Variants in BAALC observed in about 807,000 individuals in gnomAD.
BAALC encodes the protein brain and acute leukemia cytoplasmic protein.
A neutral mutation model predicts 15.5 loss-of-function variants in BAALC; 9 were observed. The observed-to-expected ratio is 0.58, with a 90% CI of 0.35 to 1.02. The LOEUF is 1.02. Ranked by LOEUF, BAALC falls within the 50% of genes least tolerant of loss-of-function variation. The pLI, the probability that BAALC is intolerant of heterozygous loss-of-function variation, is 0.02. For synonymous variants in BAALC, 80 were observed against 74.6 expected, an observed-to-expected ratio of 1.07 and a Z score of -0.37; for missense variants, 201 against 192.4, an observed-to-expected ratio of 1.04 and a Z score of -0.27.
At chr8:103,204,568 T>G (rs1812287599) in intron 1 of BAALC, among the ~76,000 whole-genome samples, 1 of 152,234 alleles carries the variant, frequency 6.6e-6, no homozygotes, top group African/African-American at 2.4e-5. Context: ...CATTTAGATC[T>G]TTGATCCTTT....
At chr8:103,225,655 C>G (rs56323909) in intron 2 of BAALC, among the ~76,000 whole-genome samples, 11,184 of 152,112 alleles carry the variant, frequency 0.074, 521 homozygotes, top group East Asian at 0.12. Flanking sequence ...ATTTGTACCC[C>G]CAAGAGGCTA....
At position 103,228,931 on chromosome 8, in the gene BAALC, C is replaced by T. The variant is rs1563660967; in HGVS notation, c.*832C>T. The T allele has an allele frequency of 6.6e-6, 1 of 152,254 alleles. No homozygotes were observed. The highest frequency in any genetic ancestry group is 6.5e-5 in the Admixed American group (1 of 15,274). 9.4% of individuals were successfully genotyped at this position (152,254 alleles called of 1,614,324 possible). A position where few individuals can be genotyped will look rare whatever the true frequency, so the allele number is the denominator to read the frequency against. ...GCTTGTCTTCTTGACTGTCTTCCCT[C>T]TCTATCGGGGTCACTTGCAATTGTT... On this transcript the variant is annotated 3_prime_UTR_variant, in exon 3 of 3. Coordinates refer to ENST00000309982, the MANE Select transcript of BAALC (RefSeq NM_024812.3).
At chr8:103,200,553 C>T (rs1436109709) in intron 1 of BAALC, 1 of 451,434 alleles carries the variant, frequency 2.2e-6, no homozygotes, top group Non-Finnish European at 4.0e-6. Context: ...AAAAATAATT[C>T]AACCAAAGAG....
chr8:103,146,805 G>C (rs1259493106), intron 1 of BAALC, among the ~76,000 whole-genome samples: 1 of 152,180 alleles, frequency 6.6e-6, no homozygotes, highest in Admixed American at 6.5e-5. Context: ...CACTGCAAGA[G>C]ACAAGTGGTA....
intron 1 of BAALC, among the ~76,000 whole-genome samples, chr8:103,160,384 A>G (rs946779881): frequency 6.6e-6 from 1 of 152,168 alleles, no homozygotes; most frequent in Non-Finnish European, 1.5e-5. Flanking sequence ...CCTATGCCCT[A>G]TGGAGAGGAT....
At chr8:103,222,156 T>C (rs529806175) in intron 2 of BAALC, among the ~76,000 whole-genome samples, 1 of 152,230 alleles carries the variant, frequency 6.6e-6, no homozygotes, top group East Asian at 1.9e-4. Context: ...CCAAGTTTTA[T>C]TGTGTAGAGG....
At chr8:103,185,366 T>C (rs116441085) in intron 1 of BAALC, among the ~76,000 whole-genome samples, 176 of 152,260 alleles carry the variant, frequency 1.2e-3, no homozygotes, top group African/African-American at 4.0e-3. Flanking sequence ...TACTTTTCTA[T>C]TTTTTTCCTC....
chr8:103,223,305 A>G (rs72673344), intron 2 of BAALC, among the ~76,000 whole-genome samples: 7,756 of 146,834 alleles, frequency 0.053, 282 homozygotes, highest in East Asian at 0.078. Flanking sequence ...AGACTGTCTC[A>G]AAACAAAACA....
intron 2 of BAALC, among the ~76,000 whole-genome samples, chr8:103,225,954 A>G (rs10107615): frequency 0.23 from 34,390 of 152,156 alleles, 4,168 homozygotes; most frequent in Middle Eastern, 0.34. Flanking sequence ...ACAACAGAAC[A>G]ATGGATTTTT....
At chr8:103,220,607 A>C (rs189406792) in intron 2 of BAALC, among the ~76,000 whole-genome samples, 240 of 152,358 alleles carry the variant, frequency 1.6e-3, no homozygotes, top group African/African-American at 5.6e-3. Flanking sequence ...GAAGCAAAAA[A>C]GAAGTTAAAA....
At chr8:103,213,139 G>C in intron 2 of BAALC, 54 bp downstream of exon 2, 1 of 1,577,496 alleles carries the variant, frequency 6.3e-7, no homozygotes, top group Non-Finnish European at 8.6e-7. Flanking sequence ...GGTAGGGCTT[G>C]CTTCAGGGCA....
chr8:103,175,812 G>C (rs1002207132), intron 1 of BAALC, among the ~76,000 whole-genome samples: 4 of 152,142 alleles, frequency 2.6e-5, no homozygotes, highest in African/African-American at 9.7e-5. Flanking sequence ...AGCCACACTG[G>C]GGGTATCGTC....
At chr8:103,220,502 A>G (rs758644874) in intron 2 of BAALC, among the ~76,000 whole-genome samples, 4 of 152,226 alleles carry the variant, frequency 2.6e-5, no homozygotes, top group Non-Finnish European at 5.9e-5. Context: ...CTGAGTGTCT[A>G]TTATGCGACA....
intron 2 of BAALC, among the ~76,000 whole-genome samples, chr8:103,222,594 G>A (rs550482629): frequency 4.0e-4 from 61 of 152,296 alleles, no homozygotes; most frequent in African/African-American, 1.4e-3. Flanking sequence ...GACTGCTTTT[G>A]GTTGGGTACT....
chr8:103,148,474 C>T (rs770960333), intron 1 of BAALC, among the ~76,000 whole-genome samples: 1 of 152,174 alleles, frequency 6.6e-6, no homozygotes, highest in Admixed American at 6.5e-5. Context: ...GAAATAAGCA[C>T]ATCATGGAGA....
At chr8:103,194,990 A>G (rs1812059759) in intron 1 of BAALC, among the ~76,000 whole-genome samples, 1 of 152,146 alleles carries the variant, frequency 6.6e-6, no homozygotes, top group African/African-American at 2.4e-5. Flanking sequence ...GGGGAGACAA[A>G]CATTCAAATC....
chr8:103,156,302 C>A (rs976028422), intron 1 of BAALC, among the ~76,000 whole-genome samples: 2 of 152,128 alleles, frequency 1.3e-5, no homozygotes, highest in Non-Finnish European at 2.9e-5. Context: ...CATTTCTCAC[C>A]GTGAAGGCAG....
Position 103,228,377 on chromosome 8 carries a change from G to A in BAALC, c.*278G>A. ...GTCTCTTTGCAACTCCTGTAATACG[G>A]TCTGGTGTAAAAGTAGTGAGTTAAA... On this transcript the variant is annotated 3_prime_UTR_variant, in exon 3 of 3. Transcript: ENST00000309982. 9.2e-6 allele frequency: 3 copies of A among 327,834 alleles called. No individual in the cohort carries two copies. The highest frequency in any genetic ancestry group is 1.7e-5 in the Non-Finnish European group (3 of 178,556). The allele number at this position is 327,834 out of a possible 1,614,324, so 20.3% of individuals were successfully genotyped here. A position where few individuals can be genotyped will look rare whatever the true frequency, so the allele number is the denominator to read the frequency against.
At chr8:103,180,694 G>C (rs976252676) in intron 1 of BAALC, among the ~76,000 whole-genome samples, 1 of 152,194 alleles carries the variant, frequency 6.6e-6, no homozygotes, top group African/African-American at 2.4e-5. Flanking sequence ...GATGCTGCCC[G>C]CCAGTTCTTT....
Sources: gnomAD v4.1 joint callset for allele counts (sites outside exome capture counted in the v4.1 genomes callset) on GRCh38, gnomAD v4.1.1 for gene constraint, MANE v1.5 for transcripts, NCBI Gene and HGNC (gene_info 2026-07-23, HGNC 2026-07-21) for gene names.